IRAG2: variants seen among roughly 807,000 people sequenced by gnomAD.
IRAG2 encodes the protein lymphoid restricted membrane protein.
Under a neutral mutation model 69.9 loss-of-function variants are expected in IRAG2, and 45 were observed. The observed-to-expected ratio is 0.64, with a 90% confidence interval of 0.51 to 0.83. The LOEUF is 0.83. IRAG2 is among the 40% of genes least tolerant of loss of function. IRAG2 has a pLI of 0.00. For missense variants in IRAG2, 520 were observed against 587.0 expected, an observed-to-expected ratio of 0.89 and a Z score of 1.18; for synonymous variants, 193 against 202.4, an observed-to-expected ratio of 0.95 and a Z score of 0.40.
chr12:25,048,243 T>C (rs1373201507), upstream of IRAG2, among the ~76,000 whole-genome samples: 2 of 152,264 alleles, frequency 1.3e-5, no homozygotes, highest in Admixed American at 6.5e-5. Context: ...TTGTTGGCCA[T>C]GTGAATGTCT....
chr12:25,003,141 C>T (rs553324555), upstream of IRAG2, among the ~76,000 whole-genome samples: 4 of 151,948 alleles, frequency 2.6e-5, no homozygotes, highest in African/African-American at 4.8e-5. Flanking sequence ...TTCTAGATAC[C>T]CCTTCCAATT....
exon 1 of IRAG2, chr12:25,004,391 G>A (rs1944415086): frequency 4.9e-6 from 6 of 1,232,016 alleles, no homozygotes; most frequent in Non-Finnish European, 6.1e-6. Context: ...CCAGTGGAAA[G>A]CATCTGTAGA....
intron 20 of IRAG2, among the ~76,000 whole-genome samples, chr12:25,105,083 T>G (rs1211758579): frequency 2.7e-5 from 4 of 146,880 alleles, no homozygotes; most frequent in South Asian, 4.5e-4. Flanking sequence ...TTTTTTTTTT[T>G]TTTTTTTTTT....
At chr12:25,011,885 C>T (rs1344575364) in intron 3 of IRAG2, among the ~76,000 whole-genome samples, 1 of 152,162 alleles carries the variant, frequency 6.6e-6, no homozygotes, top group Non-Finnish European at 1.5e-5. Context: ...ATTGAGCTGA[C>T]ATACGAGTCA....
intron 17 of IRAG2, 92 bp from the exon 18 acceptor site, chr12:25,103,745 C>T (rs991188261): frequency 6.8e-6 from 6 of 888,494 alleles, no homozygotes; most frequent in African/African-American, 6.6e-5. Context: ...GTCAAGTACA[C>T]GGATATGCAT....
At chr12:25,061,264 C>T (rs1945617390) in intron 1 of IRAG2, among the ~76,000 whole-genome samples, 1 of 152,164 alleles carries the variant, frequency 6.6e-6, no homozygotes, top group Admixed American at 6.5e-5. Flanking sequence ...GTGGCTCATG[C>T]CTGTAATCCC....
At chr12:25,047,452 T>G (rs1225875870), upstream of IRAG2, among the ~76,000 whole-genome samples, 1 of 152,212 alleles carries the variant, frequency 6.6e-6, no homozygotes, top group Non-Finnish European at 1.5e-5. Context: ...TTTTTTTGTT[T>G]TTGTTTTTTC....
chr12:25,077,317 G>GTGAA (rs1555139176), intron 6 of IRAG2, among the ~76,000 whole-genome samples: 2 of 34,374 alleles, frequency 5.8e-5, no homozygotes, highest in African/African-American at 2.1e-4. Context: ...TGATATATAT[G>GTGAA]ATATATATAT....
At chr12:25,082,463 G>A (rs945428212) in intron 9 of IRAG2, among the ~76,000 whole-genome samples, 2 of 151,948 alleles carry the variant, frequency 1.3e-5, no homozygotes, top group East Asian at 3.9e-4. Flanking sequence ...AGCTGGGCAT[G>A]GTGGTGCATG....
chr12:25,006,285 T>A (rs1162370277), intron 2 of IRAG2: 1 of 152,196 alleles, frequency 6.6e-6, no homozygotes, highest in Non-Finnish European at 1.5e-5. Context: ...GGTGGGAATA[T>A]AAATTAGTTC....
chr12:25,076,451 T>G, intron 6 of IRAG2: 4 of 983,038 alleles, frequency 4.1e-6, no homozygotes, highest in Non-Finnish European at 4.8e-6. Context: ...TGTAACATAA[T>G]GGAGGCAAAC....
chr12:25,063,329 G>A (rs1945754943), intron 3 of IRAG2, among the ~76,000 whole-genome samples: 1 of 152,196 alleles, frequency 6.6e-6, no homozygotes, highest in African/African-American at 2.4e-5. Flanking sequence ...TGGGATTACA[G>A]GCATGAACCA....
chr12:25,087,180 T>TTTTTTTTTG (rs1450270058), intron 10 of IRAG2, among the ~76,000 whole-genome samples: 1 of 125,170 alleles, frequency 8.0e-6, no homozygotes, highest in Non-Finnish European at 1.7e-5. Context: ...TTTTTTTTTT[T>TTTTTTTTTG]TTGTTGAGAC....
chr12:25,053,762 C>T (rs1389568351), intron 1 of IRAG2, among the ~76,000 whole-genome samples: 1 of 150,852 alleles, frequency 6.6e-6, no homozygotes, highest in Non-Finnish European at 1.5e-5. Context: ...GAGAAATAAA[C>T]ATTGTTTATT....
At chr12:25,104,092 C>T (rs1342902381) in intron 19 of IRAG2, 34 bp downstream of exon 19, 1 of 1,593,770 alleles carries the variant, frequency 6.3e-7, no homozygotes, top group Non-Finnish European at 8.6e-7. Context: ...CTTTGGGAAC[C>T]TTACTATTTT....
At chr12:25,002,409 A>T (rs1944397853), upstream of IRAG2, among the ~76,000 whole-genome samples, 1 of 152,228 alleles carries the variant, frequency 6.6e-6, no homozygotes, top group South Asian at 2.1e-4. Context: ...ATCACATCAT[A>T]GTTTTGAGTA....
intron 11 of IRAG2, among the ~76,000 whole-genome samples, chr12:25,089,355 G>T (rs1947869272): frequency 6.6e-6 from 1 of 152,020 alleles, no homozygotes; most frequent in Non-Finnish European, 1.5e-5. Context: ...AACAAATTGG[G>T]CTGTTGCTTG....
At chr12:25,100,018 A>AAAAAAAAAAAAAAAAAAAAAG (rs1565588258) in intron 15 of IRAG2, among the ~76,000 whole-genome samples, 1 of 150,332 alleles carries the variant, frequency 6.7e-6, no homozygotes, top group Non-Finnish European at 1.5e-5. Flanking sequence ...AAAAAAAAAA[A>AAAAAAAAAAAAAAAAAAAAAG]AAAAAAATGG....
intron 10 of IRAG2, chr12:25,030,396 C>CA: frequency 9.9e-7 from 1 of 1,005,342 alleles, no homozygotes; most frequent in East Asian, 3.8e-5. Context: ...AAATCTGATT[C>CA]TTTTTTTTTT....
Sources: gnomAD v4.1 joint callset for allele counts (sites outside exome capture counted in the v4.1 genomes callset) on GRCh38, gnomAD v4.1.1 for gene constraint, MANE v1.5 for transcripts, NCBI Gene and HGNC (gene_info 2026-07-23, HGNC 2026-07-21) for gene names.